The following ARHGAP26 variants were observed in gnomAD, a reference collection of about 807,000 sequenced individuals.
The protein encoded by ARHGAP26 is Rho GTPase activating protein 26, also known as rho GTPase-activating protein 26.
Under a neutral mutation model 104.8 loss-of-function variants are expected in ARHGAP26, and 38 were observed. That is an observed-to-expected ratio of 0.36 (90% CI 0.28 to 0.48). The LOEUF is 0.48. ARHGAP26 is among the 20% of genes least tolerant of loss of function. The pLI, the probability that ARHGAP26 is intolerant of heterozygous loss-of-function variation, is 0.99. For missense variants in ARHGAP26, 704 were observed against 947.9 expected, an observed-to-expected ratio of 0.74 and a Z score of 3.38; for synonymous variants, 341 against 340.0, an observed-to-expected ratio of 1.00 and a Z score of -0.03.
In ARHGAP26 at chr5:143,222,811, C is replaced by T. The variant is rs1811366152; in HGVS notation, c.*365C>T. On this transcript the variant is annotated 3_prime_UTR_variant, in exon 23 of 23. Transcript: ENST00000645722. ...CAGATAGAAATAGTCCCTGAGAGCA[C>T]ACTGTGTAGCTAAGCCTGCTGGGGC... The T allele has an allele frequency of 4.2e-6, 1 of 239,152 alleles. No individual in the cohort carries two copies. The highest frequency in any genetic ancestry group is 5.9e-5 in the East Asian group (1 of 16,838). 14.8% of individuals were successfully genotyped at this position (239,152 alleles called of 1,614,324 possible). A position where few individuals can be genotyped will look rare whatever the true frequency, so the allele number is the denominator to read the frequency against.
chr5:143,138,557 G>C (rs1562492236), intron 19 of ARHGAP26, among the ~76,000 whole-genome samples: 1 of 152,178 alleles, frequency 6.6e-6, no homozygotes, highest in Non-Finnish European at 1.5e-5. Context: ...GTCCCATTCT[G>C]GCCCAATAGA....
intron 11 of ARHGAP26, among the ~76,000 whole-genome samples, chr5:143,009,891 C>G (rs891967043): frequency 1.3e-5 from 2 of 152,202 alleles, no homozygotes; most frequent in African/African-American, 4.8e-5. Context: ...AGCCACAGAT[C>G]AGGCATTTAG....
intron 13 of ARHGAP26, among the ~76,000 whole-genome samples, chr5:143,038,996 T>G (rs1355655399): frequency 6.6e-6 from 1 of 151,922 alleles, no homozygotes; most frequent in Non-Finnish European, 1.5e-5. Context: ...AAAAATTATT[T>G]ATAATACGTG....
chr5:142,987,169 G>A (rs1045341647), intron 11 of ARHGAP26, among the ~76,000 whole-genome samples: 1 of 151,978 alleles, frequency 6.6e-6, no homozygotes, highest in African/African-American at 2.4e-5. Flanking sequence ...CTTTTATTTC[G>A]TTGAGCAGTG....
At chr5:142,848,625 C>T (rs1162899283) in intron 1 of ARHGAP26, among the ~76,000 whole-genome samples, 3 of 152,048 alleles carry the variant, frequency 2.0e-5, no homozygotes, top group Non-Finnish European at 4.4e-5. Context: ...CCGAGGTGAG[C>T]ACAGTGTGAA....
intron 20 of ARHGAP26, among the ~76,000 whole-genome samples, chr5:143,151,056 T>A (rs1313810160): frequency 1.3e-5 from 2 of 152,118 alleles, no homozygotes; most frequent in African/African-American, 4.8e-5. Flanking sequence ...TACAGAGAAC[T>A]CTTAAAATTC....
At chr5:143,182,631 G>A (rs258772) in intron 20 of ARHGAP26, among the ~76,000 whole-genome samples, 47,189 of 152,068 alleles carry the variant, frequency 0.31, 10,496 homozygotes, top group African/African-American at 0.63. Context: ...ATCATTTATT[G>A]TCTACTCTAG....
Position 142,859,075 on chromosome 5 carries a change from G to T in ARHGAP26, c.155-14325G>T, listed in dbSNP as rs76615573. Among the ~76,000 whole-genome samples, 1,476 of 152,298 alleles carry T rather than the reference G, an allele frequency of 9.7e-3. 19 individuals are homozygous for T. The highest frequency in any genetic ancestry group is 0.033 in the African/African-American group (1,352 of 41,532). The stretch of plus-strand genomic sequence containing the variant: ...TAGACCTTGGTTGGATTTATTTTGA[G>T]TGGGGTGGGAAGAGTTATAATCAGG... On this transcript the variant is annotated intron_variant, in intron 1 of 22. Coordinates refer to ENST00000645722, the MANE Select transcript of ARHGAP26 (RefSeq NM_001135608.3).
intron 1 of ARHGAP26, 94 bp downstream of exon 1, chr5:142,771,009 T>A: frequency 6.7e-7 from 1 of 1,482,576 alleles, no homozygotes; most frequent in Non-Finnish European, 9.0e-7. Context: ...CTGCCGGGTT[T>A]CTGCTCCCGG....
chr5:142,893,573 C>T (rs944755005), intron 5 of ARHGAP26, among the ~76,000 whole-genome samples: 1 of 152,104 alleles, frequency 6.6e-6, no homozygotes, highest in Non-Finnish European at 1.5e-5. Context: ...GTACAGGTAT[C>T]CCTTTGATAT....
At chr5:142,942,760 T>A (rs1766548185) in intron 11 of ARHGAP26, among the ~76,000 whole-genome samples, 1 of 152,130 alleles carries the variant, frequency 6.6e-6, no homozygotes, top group South Asian at 2.1e-4. Flanking sequence ...GCCTGCTGGA[T>A]TGTGATTGTG....
intron 1 of ARHGAP26, among the ~76,000 whole-genome samples, chr5:142,774,593 A>G (rs921629077): frequency 2.0e-5 from 3 of 152,224 alleles, no homozygotes; most frequent in African/African-American, 7.2e-5. Context: ...ATTATTAACT[A>G]AAGTCCATAA....
At chr5:142,843,270 A>G (rs549016237) in intron 1 of ARHGAP26, among the ~76,000 whole-genome samples, 30 of 152,306 alleles carry the variant, frequency 2.0e-4, no homozygotes, top group African/African-American at 5.8e-4. Flanking sequence ...CCAAGCATGC[A>G]GCTGAGGCAA....
chr5:143,199,542 T>C (rs1807389147), intron 20 of ARHGAP26, among the ~76,000 whole-genome samples: 1 of 152,240 alleles, frequency 6.6e-6, no homozygotes, highest in Middle Eastern at 3.2e-3. Flanking sequence ...TTTTAGATTT[T>C]CATGGAATTT....
chr5:143,176,048 A>G (rs1046643580), intron 20 of ARHGAP26, among the ~76,000 whole-genome samples: 1 of 152,170 alleles, frequency 6.6e-6, no homozygotes, highest in East Asian at 1.9e-4. Context: ...CAGGAGGTGG[A>G]GGTTTCAGTG....
Position 143,209,885 on chromosome 5 carries a change from G to A in ARHGAP26, c.2099+2577G>A, listed in dbSNP as rs575060813. 2.0e-5 allele frequency among the ~76,000 whole-genome samples: 3 copies of A among 152,262 alleles called. No homozygotes were observed. In the South Asian group the frequency reaches 6.2e-4, roughly 32 times the overall value. ...AGCTAGCCCATCAGAGGAACAGAGA[G>A]GGCCGAAACCTGTACACTGTAGTGT... On this transcript the variant is annotated intron_variant, in intron 21 of 22. Coordinates refer to ENST00000645722, the MANE Select transcript of ARHGAP26 (RefSeq NM_001135608.3).
At chr5:142,821,915 C>T (rs953566082) in intron 1 of ARHGAP26, among the ~76,000 whole-genome samples, 5 of 152,118 alleles carry the variant, frequency 3.3e-5, no homozygotes, top group African/African-American at 1.2e-4. Context: ...AATTTTTGTC[C>T]TACATAGATT....
intron 17 of ARHGAP26, among the ~76,000 whole-genome samples, chr5:143,108,918 G>A (rs1481487093): frequency 6.6e-6 from 1 of 152,248 alleles, no homozygotes. Flanking sequence ...GGGTCCCAGA[G>A]CCACTGTTCC....
In ARHGAP26 at chr5:143,126,319, G is replaced by A. The variant is rs562569838; in HGVS notation, c.1698+5172G>A. 2.1e-3 allele frequency among the ~76,000 whole-genome samples: 313 copies of A among 152,280 alleles called. 1 individual carries two copies. The highest frequency in any genetic ancestry group is 7.2e-3 in the African/African-American group (301 of 41,562). On this transcript the variant is annotated intron_variant, in intron 18 of 22. Transcript: ENST00000645722. The stretch of plus-strand genomic sequence containing the variant: ...ACTGTGGGTTGTTAGCAAGTAGTGG[G>A]TGATGATGCCAGAGAGTTGGATTCA...
Sources: allele counts gnomAD v4.1 joint callset (sites outside exome capture counted in the v4.1 genomes callset), GRCh38; gene constraint gnomAD v4.1.1; transcripts MANE v1.5; gene names NCBI Gene and HGNC (gene_info 2026-07-23, HGNC 2026-07-21).